ELAVL2: variants seen among roughly 807,000 people sequenced by gnomAD.
The protein encoded by ELAVL2 is ELAV like RNA binding protein 2.
In ELAVL2, 4 loss-of-function variants were observed where a neutral mutation model predicts 34.6. That is an observed-to-expected ratio of 0.12 (90% confidence interval 0.06 to 0.26). ELAVL2 has a LOEUF of 0.26. Ranked by LOEUF, ELAVL2 falls within the 10% of genes least tolerant of loss-of-function variation. The pLI is 1.00. For missense variants in ELAVL2, 432 were observed against 442.8 expected (o/e 0.98, Z 0.22); for synonymous variants, 193 against 154.8 (o/e 1.25, Z -1.83).
the ELAVL2 span, among the ~76,000 whole-genome samples, chr9:23,837,507 C>T: frequency 6.6e-6 from 1 of 152,136 alleles, no homozygotes; most frequent in Non-Finnish European, 1.5e-5. Context: ...TCAGTTAACT[C>T]TCACAAGAAT....
At chr9:23,794,798 C>G (rs748246637) in intron 1 of ELAVL2, among the ~76,000 whole-genome samples, 7 of 152,104 alleles carry the variant, frequency 4.6e-5, no homozygotes, top group Non-Finnish European at 1.0e-4. Flanking sequence ...GATTTCCTGA[C>G]CAATGGAATA....
intron 1 of ELAVL2, among the ~76,000 whole-genome samples, chr9:23,808,900 G>A (rs2062602681): frequency 1.3e-5 from 2 of 152,086 alleles, no homozygotes; most frequent in Admixed American, 1.3e-4. Context: ...GAATTCCATA[G>A]GGAACTGGGG....
intron 6 of ELAVL2, 31 bp from the exon 7 acceptor site, chr9:23,692,915 CACACAAAAAATAAAA>C: frequency 6.3e-7 from 1 of 1,588,840 alleles, no homozygotes; most frequent in Non-Finnish European, 8.6e-7. Flanking sequence ...TACACACATA[CACACAAAAAATAAAA>C]ACAGAGGTTG....
intron 1 of ELAVL2, among the ~76,000 whole-genome samples, chr9:23,769,184 A>G (rs1404107067): frequency 3.9e-5 from 6 of 152,058 alleles, no homozygotes; most frequent in African/African-American, 1.4e-4. Context: ...CTAAAGTTTT[A>G]GAGCCAAACA....
chr9:23,824,924 G>A (rs909011454), intron 1 of ELAVL2, among the ~76,000 whole-genome samples: 1 of 152,096 alleles, frequency 6.6e-6, no homozygotes, highest in South Asian at 2.1e-4. Context: ...CTGCAGAGGG[G>A]TTCCCCCTCT....
rs768059792 is a variant in ELAVL2 at position 23,734,892 on chromosome 9, G to A, written c.230-3767C>T. Among the ~76,000 whole-genome samples the A allele has an allele frequency of 5.3e-5, 8 of 151,464 alleles. No individual in the cohort carries two copies. In the South Asian group the frequency reaches 6.3e-4, roughly 12 times the overall value. ...CAGTAAGTCATGGGCCACCAGGGAAGGCTTGGAAACCAAGCATCACTTATC... is the reference window on the plus strand; with the variant it reads ...CAGTAAGTCATGGGCCACCAGGGAAAGCTTGGAAACCAAGCATCACTTATC... On this transcript the variant is annotated intron_variant, in intron 2 of 6. Coordinates refer to ENST00000397312, the MANE Select transcript of ELAVL2 (RefSeq NM_004432.5).
chr9:23,837,996 A>C, the ELAVL2 span, among the ~76,000 whole-genome samples: 1 of 152,164 alleles, frequency 6.6e-6, no homozygotes, highest in Admixed American at 6.5e-5. Context: ...TTTGCAGTTT[A>C]ATTATTTAGC....
chr9:23,712,927 T>C (rs1485636742), intron 3 of ELAVL2, among the ~76,000 whole-genome samples: 1 of 152,228 alleles, frequency 6.6e-6, no homozygotes, highest in Non-Finnish European at 1.5e-5. Context: ...AAGAACTGTA[T>C]ATCAAGCAAC....
In ELAVL2 at chr9:23,814,150, T is replaced by C. The variant is rs563768403; in HGVS notation, c.-16+11656A>G. Among the ~76,000 whole-genome samples, 5 of 152,282 alleles carry C rather than the reference T, an allele frequency of 3.3e-5. No homozygotes were observed. The South Asian group carries it at 6.2e-4, about 19-fold the overall frequency. ...GGGCAATCAAAACACCTATAGGCCA[T>C]ATGAAGCTCACGGATCACCCTTCAG... On this transcript the variant is annotated intron_variant, in intron 1 of 6. Transcript: ENST00000397312.
intron 2 of ELAVL2, 146 bp downstream of exon 2, chr9:23,761,860 T>A: frequency 8.6e-7 from 1 of 1,161,716 alleles, no homozygotes; most frequent in Non-Finnish European, 1.2e-6. Context: ...TTAAACTAAG[T>A]TTCATATTGC....
At chr9:23,745,578 C>G (rs1045596054) in intron 2 of ELAVL2, among the ~76,000 whole-genome samples, 4 of 152,116 alleles carry the variant, frequency 2.6e-5, no homozygotes, top group African/African-American at 4.8e-5. Flanking sequence ...AAAGGTAAAA[C>G]TAGACTTGCA....
chr9:23,771,652 G>C (rs952805833), intron 1 of ELAVL2, among the ~76,000 whole-genome samples: 4 of 152,040 alleles, frequency 2.6e-5, no homozygotes, highest in African/African-American at 4.8e-5. Context: ...ACTAAACATA[G>C]TATATCAGAA....
intron 3 of ELAVL2, among the ~76,000 whole-genome samples, chr9:23,723,356 G>T (rs1301868467): frequency 6.6e-6 from 1 of 151,936 alleles, no homozygotes; most frequent in Admixed American, 6.5e-5. Context: ...TCACTCATAG[G>T]TGGGAACTGA....
Position 23,700,881 on chromosome 9 carries a change from G to GA in ELAVL2, c.713+497dup, listed in dbSNP as rs149393952. Among the ~76,000 whole-genome samples, 210 of 141,216 alleles carry GA rather than the reference G, an allele frequency of 1.5e-3. 2 individuals carry two copies. The Middle Eastern group carries it at 0.026, about 17-fold the overall frequency. 92.6% of individuals were successfully genotyped at this position (141,216 alleles called of 152,430 possible). ...GACACATGAGAATAAAATCCTTTAA[G>GA]AAAAAAAAAAAAGGAAATCTGAAGC... On this transcript the variant is annotated intron_variant, in intron 5 of 6. Coordinates refer to ENST00000397312, the MANE Select transcript of ELAVL2 (RefSeq NM_004432.5).
At chr9:23,718,685 T>C (rs981881815) in intron 3 of ELAVL2, among the ~76,000 whole-genome samples, 1 of 152,206 alleles carries the variant, frequency 6.6e-6, no homozygotes, top group Non-Finnish European at 1.5e-5. Context: ...ACATAAGTTA[T>C]GCAACTATGA....
chr9:23,692,545 G>T lies in ELAVL2; in HGVS notation c.*12C>A, dbSNP rs1174737828. 5.6e-6 allele frequency: 9 copies of T among 1,606,172 alleles called. No homozygotes were observed. The Admixed American group carries it at 6.7e-5, about 12-fold the overall frequency. On this transcript the variant is annotated 3_prime_UTR_variant, in exon 7 of 7. Transcript: ENST00000397312. ...AGTTTTCATATATAAATGGACTGAG[G>T]ACAAGAGCTCATTAGGCTTTGTGCG...
intron 3 of ELAVL2, among the ~76,000 whole-genome samples, chr9:23,718,359 C>T (rs964229214): frequency 6.6e-6 from 1 of 152,056 alleles, no homozygotes; most frequent in African/African-American, 2.4e-5. Context: ...TGATTTGACA[C>T]AATTATCAGG....
chr9:23,810,742 C>T (rs774464910), intron 1 of ELAVL2, among the ~76,000 whole-genome samples: 1 of 152,124 alleles, frequency 6.6e-6, no homozygotes, highest in Non-Finnish European at 1.5e-5. Context: ...CACCTGACCT[C>T]TGAGCTTCAT....
At chr9:23,717,496 T>C (rs765740725) in intron 3 of ELAVL2, among the ~76,000 whole-genome samples, 4 of 152,240 alleles carry the variant, frequency 2.6e-5, no homozygotes, top group African/African-American at 7.2e-5. Context: ...AGAATAAGTA[T>C]ACTTTATGGT....
Sources: allele counts gnomAD v4.1 joint callset (sites outside exome capture counted in the v4.1 genomes callset), GRCh38; gene constraint gnomAD v4.1.1; transcripts MANE v1.5; gene names NCBI Gene and HGNC (gene_info 2026-07-23, HGNC 2026-07-21).